Variants in LINGO2 observed in about 807,000 individuals in gnomAD.
LINGO2 encodes leucine-rich repeat and immunoglobulin-like domain-containing nogo receptor-interacting protein 2.
In LINGO2, 14 loss-of-function variants were observed where a neutral mutation model predicts 30.6. The ratio of observed to expected loss-of-function variants is 0.46; its 90% CI spans 0.30 to 0.72. LINGO2 has a LOEUF of 0.72. LINGO2 is among the 30% of genes least tolerant of loss of function. The probability of loss-of-function intolerance (pLI) is 0.07; values close to 1 mark genes in which losing one functional copy is unlikely to be tolerated. For synonymous variants in LINGO2, 317 were observed against 288.5 expected (o/e 1.10, Z -1.00); for missense variants, 729 against 751.7 (o/e 0.97, Z 0.35).
the LINGO2 span, among the ~76,000 whole-genome samples, chr9:29,042,139 T>G: frequency 2.0e-5 from 3 of 151,916 alleles, no homozygotes; most frequent in Admixed American, 2.0e-4. Flanking sequence ...GAAAAAAATG[T>G]GACAACACCA....
intron 2 of LINGO2, among the ~76,000 whole-genome samples, chr9:28,456,930 G>T (rs1249515539): frequency 2.0e-5 from 3 of 152,070 alleles, no homozygotes; most frequent in Admixed American, 2.0e-4. Flanking sequence ...TTACTTACAT[G>T]TTATCTTTTC....
the LINGO2 span, among the ~76,000 whole-genome samples, chr9:29,106,086 T>C: frequency 3.3e-5 from 5 of 152,186 alleles, no homozygotes; most frequent in African/African-American, 1.2e-4. Context: ...GCATCTCATT[T>C]CTTTGGCAAT....
intron 4 of LINGO2, among the ~76,000 whole-genome samples, chr9:28,029,199 T>C (rs1233074561): frequency 1.1e-4 from 17 of 152,176 alleles, no homozygotes; most frequent in Admixed American, 1.1e-3. Context: ...CAATTTTTCA[T>C]CTAGAACAGT....
At chr9:28,383,678 G>A (rs1821450162) in intron 2 of LINGO2, among the ~76,000 whole-genome samples, 1 of 152,072 alleles carries the variant, frequency 6.6e-6, no homozygotes, top group African/African-American at 2.4e-5. Context: ...GTTGATTTAT[G>A]TTAATGACAT....
intron 4 of LINGO2, among the ~76,000 whole-genome samples, chr9:28,183,635 C>T (rs1819438006): frequency 6.6e-6 from 1 of 152,078 alleles, no homozygotes; most frequent in African/African-American, 2.4e-5. Context: ...GAGAGTTATA[C>T]AATGTGACTA....
chr9:28,004,472 G>A (rs113718036), intron 5 of LINGO2, among the ~76,000 whole-genome samples: 24 of 152,166 alleles, frequency 1.6e-4, no homozygotes, highest in East Asian at 3.9e-4. Flanking sequence ...ACTAGAAGAC[G>A]TACCTTCTTG....
chr9:28,750,494 G>A, the LINGO2 span, among the ~76,000 whole-genome samples: 9 of 152,072 alleles, frequency 5.9e-5, no homozygotes, highest in Non-Finnish European at 1.5e-5. Flanking sequence ...TCTGAAGAAG[G>A]CTCTGGGCCC....
the LINGO2 span, among the ~76,000 whole-genome samples, chr9:29,161,940 GAC>G: frequency 6.8e-6 from 1 of 147,782 alleles, no homozygotes; most frequent in African/African-American, 2.5e-5. Context: ...TTTTTTTTGA[GAC>G]AGAGTCTTGC....
At chr9:28,428,172 A>G (rs1041707971) in intron 2 of LINGO2, among the ~76,000 whole-genome samples, 1 of 152,178 alleles carries the variant, frequency 6.6e-6, no homozygotes, top group Non-Finnish European at 1.5e-5. Context: ...ATTTAAAATG[A>G]TGCCTCACCT....
the LINGO2 span, among the ~76,000 whole-genome samples, chr9:28,974,817 A>C: frequency 6.6e-6 from 1 of 152,166 alleles, no homozygotes; most frequent in East Asian, 1.9e-4. Flanking sequence ...AGACACTATT[A>C]TCCCTATTTT....
intron 1 of LINGO2, among the ~76,000 whole-genome samples, chr9:28,655,149 G>A (rs1234856264): frequency 1.3e-5 from 2 of 152,030 alleles, no homozygotes; most frequent in East Asian, 3.9e-4. Context: ...GTTTTCAGAA[G>A]AGTTGATCGT....
chr9:28,225,032 A>C (rs953639202), intron 4 of LINGO2, among the ~76,000 whole-genome samples: 1 of 152,212 alleles, frequency 6.6e-6, no homozygotes, highest in African/African-American at 2.4e-5. Context: ...ACAGTCTTCA[A>C]TACAAGGTGC....
intron 3 of LINGO2, among the ~76,000 whole-genome samples, chr9:28,320,968 C>CT: frequency 6.6e-6 from 1 of 152,286 alleles, no homozygotes; most frequent in African/African-American, 2.4e-5. Context: ...ATTTAATGCA[C>CT]TTTGTCTTGC....
chr9:28,392,693 T>TC (rs989240116), intron 2 of LINGO2, among the ~76,000 whole-genome samples: 20 of 152,166 alleles, frequency 1.3e-4, no homozygotes, highest in African/African-American at 4.6e-4. Flanking sequence ...ACTTGGTGTT[T>TC]CTGGTGACCA....
At chr9:28,356,636 A>C (rs867609095) in intron 3 of LINGO2, among the ~76,000 whole-genome samples, 31 of 152,294 alleles carry the variant, frequency 2.0e-4, no homozygotes, top group African/African-American at 6.0e-4. Flanking sequence ...GAAATTGAGA[A>C]ATCACTTAAT....
At chr9:28,757,644 G>T in the LINGO2 span, among the ~76,000 whole-genome samples, 1 of 151,846 alleles carries the variant, frequency 6.6e-6, no homozygotes. Context: ...CTCCAATTAG[G>T]CCATTTTTGT....
the LINGO2 span, among the ~76,000 whole-genome samples, chr9:28,713,717 G>A: frequency 1.3e-5 from 2 of 152,040 alleles, no homozygotes; most frequent in African/African-American, 2.4e-5. Context: ...CATCTCTCTT[G>A]GAAGACAGTA....
chr9:28,775,330 G>A, the LINGO2 span, among the ~76,000 whole-genome samples: 405 of 152,164 alleles, frequency 2.7e-3, 1 homozygote, highest in Admixed American at 5.2e-3. Flanking sequence ...CTTCAAACAG[G>A]GATTCTTTCC....
intron 3 of LINGO2, among the ~76,000 whole-genome samples, chr9:28,325,477 A>T (rs1587469999): frequency 6.6e-6 from 1 of 152,208 alleles, no homozygotes; most frequent in Middle Eastern, 3.4e-3. Flanking sequence ...CTCATCTTGA[A>T]TTGTAGCTCC....
Sources: gnomAD v4.1 joint callset for allele counts (sites outside exome capture counted in the v4.1 genomes callset) on GRCh38, gnomAD v4.1.1 for gene constraint, MANE v1.5 for transcripts, NCBI Gene and HGNC (gene_info 2026-07-23, HGNC 2026-07-21) for gene names.